RIT2: variants seen among roughly 807,000 people sequenced by gnomAD.
RIT2 encodes Ras like without CAAX 2.
In RIT2, 24 loss-of-function variants were observed where a neutral mutation model predicts 23.7. The ratio of observed to expected loss-of-function variants is 1.01; its 90% confidence interval spans 0.73 to 1.43. RIT2 has a LOEUF of 1.43. Ranked by LOEUF, RIT2 falls within the 40% of genes most tolerant of loss-of-function variation. The pLI, the probability that RIT2 is intolerant of heterozygous loss-of-function variation, is 0.00. For missense variants in RIT2, 236 were observed against 266.9 expected (o/e 0.88, Z 0.81); for synonymous variants, 107 against 91.1 (o/e 1.17, Z -0.99).
chr18:42,791,924 C>T (rs964830369), intron 4 of RIT2, among the ~76,000 whole-genome samples: 4 of 152,060 alleles, frequency 2.6e-5, no homozygotes, highest in Admixed American at 2.6e-4. Context: ...GGAATGTGAC[C>T]CAGTCATAGC....
chr18:43,081,705 T>A (rs961187975), intron 1 of RIT2, among the ~76,000 whole-genome samples: 6 of 152,174 alleles, frequency 3.9e-5, no homozygotes, highest in Admixed American at 3.9e-4. Flanking sequence ...TTTTATTTCC[T>A]GTTTGTTCTG....
chr18:43,107,430 T>C (rs1913849412), intron 1 of RIT2, among the ~76,000 whole-genome samples: 1 of 152,124 alleles, frequency 6.6e-6, no homozygotes, highest in South Asian at 2.1e-4. Flanking sequence ...CACGCGTGCG[T>C]GCACGCATAC....
intron 2 of RIT2, among the ~76,000 whole-genome samples, chr18:42,979,332 T>C (rs1410117760): frequency 6.6e-6 from 1 of 152,110 alleles, no homozygotes; most frequent in African/African-American, 2.4e-5. Flanking sequence ...AATTTAATGG[T>C]AAATTTTCAT....
intron 1 of RIT2, among the ~76,000 whole-genome samples, chr18:43,071,279 G>A (rs1190307551): frequency 2.0e-5 from 3 of 152,080 alleles, no homozygotes; most frequent in Non-Finnish European, 4.4e-5. Flanking sequence ...TGATCACTCT[G>A]AATTGCTAGA....
rs923139866 is a variant in RIT2 at position 43,115,632 on chromosome 18, T to C, written c.-113A>G. 5.6e-6 allele frequency: 8 copies of C among 1,423,908 alleles called. No homozygotes were observed. Among genetic ancestry groups the C allele is most frequent in the Middle Eastern group, 2.1e-4 (1 of 4,860 alleles). The allele number at this position is 1,423,908 out of a possible 1,614,324, so 88.2% of individuals were successfully genotyped here. A position where few individuals can be genotyped will look rare whatever the true frequency, so the allele number is the denominator to read the frequency against. ...TCAAAGCAAAGGTTTTAGTACGAGGTAAGAACCATCAGCGTCGGGCTGGCT... is the reference window on the plus strand; with the variant it reads ...TCAAAGCAAAGGTTTTAGTACGAGGCAAGAACCATCAGCGTCGGGCTGGCT... On this transcript the variant is annotated 5_prime_UTR_variant, in exon 1 of 5. Transcript: ENST00000326695.
chr18:42,763,244 C>T (rs757028158), intron 4 of RIT2, among the ~76,000 whole-genome samples: 87 of 152,222 alleles, frequency 5.7e-4, no homozygotes, highest in Non-Finnish European at 1.0e-3. Context: ...AGGTGGATCA[C>T]GAGGTCAAGA....
chr18:43,090,518 G>C (rs1288796258), intron 1 of RIT2, among the ~76,000 whole-genome samples: 1 of 151,924 alleles, frequency 6.6e-6, no homozygotes. Flanking sequence ...CCCATTATTG[G>C]TTATATACCC....
intron 2 of RIT2, among the ~76,000 whole-genome samples, chr18:43,025,336 T>C (rs910160719): frequency 1.3e-5 from 2 of 150,684 alleles, no homozygotes; most frequent in South Asian, 4.2e-4. Flanking sequence ...ATGGTAAGAA[T>C]GTAAATTAGT....
At chr18:43,060,058 GA>G (rs1912607935) in intron 1 of RIT2, among the ~76,000 whole-genome samples, 1 of 152,080 alleles carries the variant, frequency 6.6e-6, no homozygotes, top group Admixed American at 6.6e-5. Flanking sequence ...GTTCATCCAT[GA>G]CAACACAGCA....
chr18:42,834,217 T>C (rs1325553216), intron 4 of RIT2, among the ~76,000 whole-genome samples: 1 of 152,168 alleles, frequency 6.6e-6, no homozygotes, highest in East Asian at 1.9e-4. Context: ...GGACTGACTG[T>C]TTTGTCCAAG....
At chr18:42,967,120 A>G (rs909180530) in intron 3 of RIT2, among the ~76,000 whole-genome samples, 1 of 152,080 alleles carries the variant, frequency 6.6e-6, no homozygotes, top group Admixed American at 6.6e-5. Context: ...ACTTTTTGTG[A>G]AAAATATCAT....
chr18:42,939,914 G>C (rs886638061), intron 3 of RIT2, among the ~76,000 whole-genome samples: 18 of 151,960 alleles, frequency 1.2e-4, no homozygotes, highest in African/African-American at 4.3e-4. Flanking sequence ...ATTTGCTTGA[G>C]AAAATTTCAT....
At chr18:42,903,633 A>G (rs1054793063) in intron 4 of RIT2, among the ~76,000 whole-genome samples, 1 of 152,078 alleles carries the variant, frequency 6.6e-6, no homozygotes, top group South Asian at 2.1e-4. Context: ...CATGACTGCT[A>G]CCACTACCCA....
intron 4 of RIT2, among the ~76,000 whole-genome samples, chr18:42,799,171 C>T (rs891020513): frequency 1.3e-5 from 2 of 152,098 alleles, no homozygotes; most frequent in African/African-American, 4.8e-5. Context: ...AAATGAAATT[C>T]TTTTCCCTAC....
intron 4 of RIT2, among the ~76,000 whole-genome samples, chr18:42,797,732 T>C (rs1905409553): frequency 6.6e-6 from 1 of 152,208 alleles, no homozygotes; most frequent in Admixed American, 6.5e-5. Context: ...ATTACCTTGC[T>C]ATGAGCTGAA....
intron 1 of RIT2, among the ~76,000 whole-genome samples, chr18:43,085,517 C>A (rs1021824173): frequency 3.3e-5 from 5 of 152,096 alleles, no homozygotes; most frequent in African/African-American, 1.2e-4. Flanking sequence ...CCTTTCCTAC[C>A]AGCCTCTGGT....
intron 4 of RIT2, among the ~76,000 whole-genome samples, chr18:42,808,334 C>T (rs529796232): frequency 9.3e-4 from 142 of 152,080 alleles, no homozygotes; most frequent in Non-Finnish European, 1.7e-3. Context: ...TGATGTACTT[C>T]ATAGAAAAGA....
At chr18:42,864,054 A>AC (rs1907404224) in intron 4 of RIT2, among the ~76,000 whole-genome samples, 1 of 151,814 alleles carries the variant, frequency 6.6e-6, no homozygotes, top group Non-Finnish European at 1.5e-5. Flanking sequence ...AAAAAAAAAA[A>AC]CGATATGAAA....
chr18:43,098,893 C>A (rs1283845598), intron 1 of RIT2, among the ~76,000 whole-genome samples: 1 of 151,898 alleles, frequency 6.6e-6, no homozygotes, highest in African/African-American at 2.4e-5. Flanking sequence ...ACGAAACAAA[C>A]CCAGCCTCAG....
Sources: allele counts gnomAD v4.1 joint callset (sites outside exome capture counted in the v4.1 genomes callset), GRCh38; gene constraint gnomAD v4.1.1; transcripts MANE v1.5; gene names NCBI Gene and HGNC (gene_info 2026-07-23, HGNC 2026-07-21).